RANBP2: variants seen among roughly 807,000 people sequenced by gnomAD.
The protein encoded by RANBP2 is RAN binding protein 2, also known as E3 SUMO-protein ligase RanBP2.
RANBP2 carries 57 observed loss-of-function variants against 303.6 expected under a neutral mutation model. The ratio of observed to expected loss-of-function variants is 0.19; its 90% CI spans 0.15 to 0.23. RANBP2 has a LOEUF of 0.23. Ranked by LOEUF, RANBP2 falls within the 10% of genes least tolerant of loss-of-function variation. The pLI, the probability that RANBP2 is intolerant of heterozygous loss-of-function variation, is 1.00. For synonymous variants in RANBP2, 1,167 were observed against 1,301.5 expected (o/e 0.90, Z 2.23); for missense variants, 3,138 against 3,780.8 (o/e 0.83, Z 4.46).
At chr2:109,579,745 T>A in the RANBP2 span, among the ~76,000 whole-genome samples, 1 of 152,092 alleles carries the variant, frequency 6.6e-6, no homozygotes, top group Non-Finnish European at 1.5e-5. Flanking sequence ...TCTAATCTTA[T>A]GCAAATTTTT....
the RANBP2 span, among the ~76,000 whole-genome samples, chr2:109,445,804 G>T: frequency 6.6e-6 from 1 of 152,130 alleles, no homozygotes; most frequent in African/African-American, 2.4e-5. Context: ...CCTGAAGTGG[G>T]AAGCGATACC....
In RANBP2 at chr2:108,764,759, G is replaced by A. The variant is rs146986427; in HGVS notation, c.4220G>A (p.Arg1407Gln). The stretch of plus-strand genomic sequence containing the variant: ...ACCAGCCCAGAGAATGTTCAAGATC[G>A]ATTTGCATTGGTGACTCCAAAGAAA... The part of the protein sequence containing the change: ...PKTSPENVQD[R>Q]FALVTPKKEG... The change falls in exon 20 of 29, where the codon CGA becomes CAA. Residue 1407 changes from arginine to glutamine, a missense_variant. This residue lies in a region of RANBP2 where 388 missense variants were observed against 328.5 expected (regional missense o/e 1.18). Coordinates refer to ENST00000283195, the MANE Select transcript of RANBP2 (RefSeq NM_006267.5). 28 of 1,613,888 alleles carry A rather than the reference G, an allele frequency of 1.7e-5. No homozygotes were observed. The highest frequency in any genetic ancestry group is 2.0e-5 in the Non-Finnish European group (24 of 1,179,982).
the RANBP2 span, among the ~76,000 whole-genome samples, chr2:108,963,335 G>A: frequency 1.3e-5 from 2 of 152,170 alleles, no homozygotes; most frequent in Non-Finnish European, 2.9e-5. Context: ...TTGCTTTCAA[G>A]AGCCCTTCAA....
chr2:108,939,948 C>T, the RANBP2 span, among the ~76,000 whole-genome samples: 4 of 152,214 alleles, frequency 2.6e-5, no homozygotes, highest in African/African-American at 7.2e-5. Flanking sequence ...CCTGCATGAA[C>T]GTGTCTCAGT....
At chr2:109,531,468 A>G in the RANBP2 span, among the ~76,000 whole-genome samples, 9 of 152,222 alleles carry the variant, frequency 5.9e-5, no homozygotes, top group African/African-American at 2.2e-4. Flanking sequence ...TGCTGAAATC[A>G]TGGCGAATCC....
chr2:108,755,046 C>G lies in RANBP2; in HGVS notation c.2344C>G (p.Pro782Ala), dbSNP rs1220477512. 3.1e-6 allele frequency: 5 copies of G among 1,611,706 alleles called. No individual in the cohort carries two copies. In the Admixed American group the frequency reaches 6.7e-5, roughly 21 times the overall value. ...AGAAATAAAACATTCTACACCGTCTCCTACCAGATATTCACTATCACCAAG... is the reference window on the plus strand; with the variant it reads ...AGAAATAAAACATTCTACACCGTCTGCTACCAGATATTCACTATCACCAAG... ...DSEIKHSTPSPTRYSLSPSKS... is the reference protein window; with the variant it reads ...DSEIKHSTPSATRYSLSPSKS... Residue 782 changes from proline (P) to alanine (A), a missense_variant, in exon 16 of 29, where the codon CCT (proline) becomes GCT (alanine). By Grantham distance (27) the Pro-to-Ala change is conservative (BLOSUM62 -1). This residue lies in a region of RANBP2 where 194 missense variants were observed against 197.4 expected (regional missense o/e 0.98). Transcript: ENST00000283195.
At chr2:109,546,099 A>G in the RANBP2 span, 35 of 1,608,136 alleles carry the variant, frequency 2.2e-5, no homozygotes, top group East Asian at 7.6e-4. Context: ...GCCAGAAAGG[A>G]CTGGCTGTGA....
At chr2:108,874,013 G>C in the RANBP2 span, among the ~76,000 whole-genome samples, 1 of 152,060 alleles carries the variant, frequency 6.6e-6, no homozygotes, top group South Asian at 2.1e-4. Context: ...TTAGAGTTCT[G>C]ATCTCAGAAC....
chr2:108,791,508 AC>A, the RANBP2 span: 2 of 723,860 alleles, frequency 2.8e-6, no homozygotes, highest in South Asian at 2.9e-5. Flanking sequence ...ATGATCAGTG[AC>A]TGTTAGTTTT....
At chr2:108,744,348 G>T (rs1696342656) in intron 7 of RANBP2, among the ~76,000 whole-genome samples, 1 of 151,934 alleles carries the variant, frequency 6.6e-6, no homozygotes, top group Non-Finnish European at 1.5e-5. Context: ...AGGTTGCAGT[G>T]AGCTGAAATC....
Position 108,763,835 on chromosome 2 carries a change from T to G in RANBP2, c.3296T>G (p.Phe1099Cys). Residue 1099 changes from phenylalanine (F) to cysteine (C), a missense_variant, in exon 20 of 29, where the codon TTC becomes TGC. Phe to Cys is a radical substitution (Grantham distance 205). Coordinates refer to ENST00000283195, the MANE Select transcript of RANBP2 (RefSeq NM_006267.5). Reference sequence around the variant, plus strand: ...CAAACCATTGGGCCTCGAAATACATTCAATTTTGGAAGCAAAAATGTGTCT... The same window carrying G: ...CAAACCATTGGGCCTCGAAATACATGCAATTTTGGAAGCAAAAATGTGTCT... ...GGQTIGPRNT[F>C]NFGSKNVSGI... 6.2e-7 allele frequency: 1 copy of G among 1,614,046 alleles called. No individual in the cohort carries two copies. The highest frequency in any genetic ancestry group is 8.5e-7 in the Non-Finnish European group (1 of 1,179,972).
the RANBP2 span, among the ~76,000 whole-genome samples, chr2:109,416,647 TG>T: frequency 6.6e-6 from 1 of 151,780 alleles, no homozygotes. Flanking sequence ...CCTCCCAAAA[TG>T]CTGGGATTAC....
chr2:109,317,734 G>GGT, the RANBP2 span, among the ~76,000 whole-genome samples: 1 of 152,112 alleles, frequency 6.6e-6, no homozygotes, highest in African/African-American at 2.4e-5. Context: ...GGAGTGCGAG[G>GGT]GTGCCTCCCT....
At chr2:108,797,085 CT>C in the RANBP2 span, among the ~76,000 whole-genome samples, 284 of 152,256 alleles carry the variant, frequency 1.9e-3, 3 homozygotes, top group African/African-American at 6.6e-3. Context: ...TGAGAAAGAT[CT>C]GAGCAGTTGT....
At chr2:109,260,925 C>G in the RANBP2 span, among the ~76,000 whole-genome samples, 1 of 152,132 alleles carries the variant, frequency 6.6e-6, no homozygotes, top group Non-Finnish European at 1.5e-5. Context: ...GAGAGGAAGG[C>G]CACTCTGTTT....
chr2:108,888,657 A>G, the RANBP2 span, among the ~76,000 whole-genome samples: 4 of 151,964 alleles, frequency 2.6e-5, no homozygotes, highest in Non-Finnish European at 4.4e-5. Flanking sequence ...ATCGCTTGTA[A>G]TATCTTCTTT....
At chr2:109,493,099 C>A in the RANBP2 span, among the ~76,000 whole-genome samples, 1 of 150,894 alleles carries the variant, frequency 6.6e-6, no homozygotes. Context: ...CAAACATACA[C>A]ATACACCACA....
chr2:108,786,609 C>A (rs1296052566), downstream of RANBP2: 3 of 573,472 alleles, frequency 5.2e-6, no homozygotes, highest in Non-Finnish European at 9.4e-6. Context: ...CAATACTACT[C>A]AGTTACGAGG....
the RANBP2 span, among the ~76,000 whole-genome samples, chr2:109,027,525 T>C: frequency 6.6e-6 from 1 of 152,130 alleles, no homozygotes; most frequent in Admixed American, 6.5e-5. Flanking sequence ...GAGCCTGGCA[T>C]GTCCATCCAC....
Sources: gnomAD v4.1 joint callset for allele counts (sites outside exome capture counted in the v4.1 genomes callset) on GRCh38, gnomAD v4.1.1 for gene constraint, gnomAD v4.1.1 regional missense constraint, MANE v1.5 for transcripts, NCBI Gene and HGNC (gene_info 2026-07-23, HGNC 2026-07-21) for gene names.